TMPRSS13: variants seen among roughly 807,000 people sequenced by gnomAD.
TMPRSS13 encodes transmembrane serine protease 13.
In TMPRSS13, 50 loss-of-function variants were observed where a neutral mutation model predicts 68.4. The observed-to-expected ratio is 0.73, with a 90% confidence interval of 0.58 to 0.93. The LOEUF is 0.93. Ranked by LOEUF, TMPRSS13 falls within the 40% of genes least tolerant of loss-of-function variation. TMPRSS13 has a pLI of 0.00. For synonymous variants in TMPRSS13, 267 were observed against 285.8 expected, an observed-to-expected ratio of 0.93 and a Z score of 0.66; for missense variants, 615 against 729.2, an observed-to-expected ratio of 0.84 and a Z score of 1.80.
intron 9 of TMPRSS13, among the ~76,000 whole-genome samples, chr11:117,906,812 T>C (rs1413112489): frequency 6.6e-6 from 1 of 152,192 alleles, no homozygotes; most frequent in African/African-American, 2.4e-5. Flanking sequence ...CTGTTTTTTA[T>C]GGGGGAATTA....
In TMPRSS13 at chr11:117,918,818, T is replaced by C; in HGVS notation, c.42A>G (p.Thr14=). ...GGGCTGGAGATGCTCCAGCTGAAGG[T>C]GTTCTTGCTGGAGATGCATTCTGAA... ...DSHGNASPAR[T]PSAGASPAQA... Residue 14 remains threonine, a synonymous_variant, in exon 2 of 13, where the codon ACA becomes ACG. Coordinates refer to ENST00000524993, the MANE Select transcript of TMPRSS13 (RefSeq NM_001077263.3). The C allele has an allele frequency of 1.2e-6, 2 of 1,613,772 alleles. No homozygotes were observed. Among genetic ancestry groups the C allele is most frequent in the Non-Finnish European group, 8.5e-7 (1 of 1,179,852 alleles).
intron 1 of TMPRSS13, among the ~76,000 whole-genome samples, chr11:117,927,659 G>A (rs2057719595): frequency 6.6e-6 from 1 of 152,164 alleles, no homozygotes; most frequent in African/African-American, 2.4e-5. Flanking sequence ...AAGCTCAGGT[G>A]ACCAGCTTCT....
chr11:117,909,780 A>C, intron 8 of TMPRSS13, 26 bp downstream of exon 8: 1 of 1,597,832 alleles, frequency 6.3e-7, no homozygotes, highest in Non-Finnish European at 8.5e-7. Flanking sequence ...GGGCAGTGTC[A>C]AATCACCTGC....
chr11:117,929,322 A>G lies in TMPRSS13; in HGVS notation c.-15T>C. ...TCCCTCTCCATGGTCTCTGAGGGGA[A>G]GAGTCCTCCAGGCTTAGCTGATGTC... On this transcript the variant is annotated 5_prime_UTR_variant, in exon 1 of 13. Coordinates refer to ENST00000524993, the MANE Select transcript of TMPRSS13 (RefSeq NM_001077263.3). The G allele has an allele frequency of 6.2e-7, 1 of 1,604,150 alleles. No homozygotes were observed. The highest frequency in any genetic ancestry group is 8.5e-7 in the Non-Finnish European group (1 of 1,175,562).
At chr11:117,907,483 C>A (rs2057475301) in intron 9 of TMPRSS13, 1 of 152,136 alleles carries the variant, frequency 6.6e-6, no homozygotes, top group Non-Finnish European at 1.5e-5. Context: ...AATTAATGTG[C>A]GAGGAAACAC....
At chr11:117,911,889 A>C (rs756138424) in intron 5 of TMPRSS13, 29 bp from the exon 6 acceptor site, 1 of 1,580,682 alleles carries the variant, frequency 6.3e-7, no homozygotes. Flanking sequence ...GAGAAGAATG[A>C]GCCCCCTGGA....
At chr11:117,925,410 T>C (rs56336649) in intron 1 of TMPRSS13, among the ~76,000 whole-genome samples, 11,638 of 142,152 alleles carry the variant, frequency 0.082, 601 homozygotes, top group East Asian at 0.2. Flanking sequence ...CATTCACTCA[T>C]TCATTCATTC....
intron 12 of TMPRSS13, 68 bp from the exon 13 acceptor site, chr11:117,902,333 T>C: frequency 6.3e-7 from 1 of 1,582,608 alleles, no homozygotes; most frequent in South Asian, 1.1e-5. Context: ...AAGCCCAAGG[T>C]TGGGGTTCAG....
At chr11:117,907,791 C>A in intron 9 of TMPRSS13, 2 of 985,328 alleles carry the variant, frequency 2.0e-6, no homozygotes, top group Non-Finnish European at 2.4e-6. Flanking sequence ...TATAATTGGC[C>A]TCTACTGGTC....
At position 117,912,516 on chromosome 11, in the gene TMPRSS13, G is replaced by T. The variant is rs146299160; in HGVS notation, c.810-656C>A. 3.8e-3 allele frequency among the ~76,000 whole-genome samples: 576 copies of T among 152,310 alleles called. 4 individuals are homozygous for T. The highest frequency in any genetic ancestry group is 0.013 in the African/African-American group (556 of 41,546). On this transcript the variant is annotated intron_variant, in intron 5 of 12. Coordinates refer to ENST00000524993, the MANE Select transcript of TMPRSS13 (RefSeq NM_001077263.3). ...TTCCAAGATGCATTTTCACAAGCACGGCGGGTGATTCTAATGTGTTCTACT... is the reference window on the plus strand; with the variant it reads ...TTCCAAGATGCATTTTCACAAGCACTGCGGGTGATTCTAATGTGTTCTACT...
chr11:117,928,177 C>T (rs1456612185), intron 1 of TMPRSS13, among the ~76,000 whole-genome samples: 1 of 152,230 alleles, frequency 6.6e-6, no homozygotes, highest in Non-Finnish European at 1.5e-5. Context: ...CTTCTGCATG[C>T]CCTTGTGTAC....
Position 117,917,221 on chromosome 11 carries a change from T to G in TMPRSS13, c.505A>C (p.Ile169Leu). The G allele has an allele frequency of 6.2e-7, 1 of 1,613,064 alleles. No homozygotes were observed. Among genetic ancestry groups the G allele is most frequent in the South Asian group, 1.1e-5 (1 of 91,070 alleles). Residue 169 changes from isoleucine (I) to leucine (L), a missense_variant, in exon 3 of 13, where the codon ATC becomes CTC. Coordinates refer to ENST00000524993, the MANE Select transcript of TMPRSS13 (RefSeq NM_001077263.3). ...WREGQKQLPL[I>L]GCVLLLIALV... ...GCAATGAGGAGGAGCACGCACCCGA[T>G]GAGCGGTAGCTGCTTCTGGCCCTCC...
intron 12 of TMPRSS13, chr11:117,903,303 T>C (rs971904550): frequency 9.6e-6 from 13 of 1,353,808 alleles, no homozygotes; most frequent in East Asian, 2.5e-5. Context: ...AAATGCTTGA[T>C]AACAAAAACT....
intron 8 of TMPRSS13, 24 bp from the exon 9 acceptor site, chr11:117,908,808 G>T: frequency 6.4e-7 from 1 of 1,572,572 alleles, no homozygotes; most frequent in Non-Finnish European, 8.6e-7. Context: ...AAAGGAGCGT[G>T]GTCCAGTACC....
intron 1 of TMPRSS13, among the ~76,000 whole-genome samples, chr11:117,921,943 TCTGACC>T (rs1453090705): frequency 6.6e-6 from 1 of 152,136 alleles, no homozygotes; most frequent in African/African-American, 2.4e-5. Context: ...ACCCCCTGAC[TCTGACC>T]CTCAACCCAA....
In TMPRSS13 at chr11:117,917,251, A is replaced by G; in HGVS notation, c.475T>C (p.Trp159Arg). Residue 159 changes from tryptophan to arginine, a missense_variant, in exon 3 of 13, where the codon TGG becomes CGG. Trp to Arg is a moderately radical substitution (Grantham distance 101, BLOSUM62 -3). Transcript: ENST00000524993. ...SPGTSLPKFTWREGQKQLPLI... is the reference protein window; with the variant it reads ...SPGTSLPKFTRREGQKQLPLI... ...GGTAGCTGCTTCTGGCCCTCCCGCC[A>G]GGTGAACTTGGGCAGGCTCGTACCT... 2 of 1,612,752 alleles carry G rather than the reference A, an allele frequency of 1.2e-6. No individual in the cohort carries two copies. Among genetic ancestry groups the G allele is most frequent in the South Asian group, 1.1e-5 (1 of 91,046 alleles).
rs528919225 is a variant in TMPRSS13, at chr11:117,906,357, A to T, written c.1283-621T>A. On this transcript the variant is annotated intron_variant, in intron 9 of 12. Coordinates refer to ENST00000524993, the MANE Select transcript of TMPRSS13 (RefSeq NM_001077263.3). The stretch of plus-strand genomic sequence containing the variant: ...TTATATTTAGAAGTCACTGTTATAT[A>T]TCACTTCATAAGCTCTGAGGACTGG... Among the ~76,000 whole-genome samples the T allele has an allele frequency of 2.6e-5, 4 of 152,362 alleles. No homozygotes were observed. In the South Asian group the frequency reaches 8.3e-4, roughly 32 times the overall value.
At chr11:117,921,379 C>T (rs1029805297) in intron 1 of TMPRSS13, among the ~76,000 whole-genome samples, 6 of 152,174 alleles carry the variant, frequency 3.9e-5, no homozygotes, top group Admixed American at 2.0e-4. Flanking sequence ...CTCAGAGAGA[C>T]GAAACAGCCC....
At chr11:117,910,808 G>A (rs2057515922) in intron 6 of TMPRSS13, 58 bp from the exon 7 acceptor site, 1 of 1,514,010 alleles carries the variant, frequency 6.6e-7, no homozygotes, top group Non-Finnish European at 9.0e-7. Flanking sequence ...CCTCCAGGAA[G>A]CCTTCCTGAT....
Sources: allele counts gnomAD v4.1 joint callset (sites outside exome capture counted in the v4.1 genomes callset), GRCh38; gene constraint gnomAD v4.1.1; transcripts MANE v1.5; gene names NCBI Gene and HGNC (gene_info 2026-07-23, HGNC 2026-07-21).